Variants in ELOVL2 observed in about 807,000 individuals in gnomAD.
ELOVL2 encodes very long chain fatty acid elongase 2.
A neutral mutation model predicts 37.7 loss-of-function variants in ELOVL2; 38 were observed. That is an observed-to-expected ratio of 1.01 (90% CI 0.78 to 1.32). The LOEUF (loss-of-function observed/expected upper bound fraction) is 1.32, where lower values mean the gene tolerates loss of function less well. Among genes scored for constraint, ELOVL2 ranks in the 40% most tolerant of loss-of-function variants. The probability of loss-of-function intolerance (pLI) is 0.00; values close to 1 mark genes in which losing one functional copy is unlikely to be tolerated. For synonymous variants in ELOVL2, 115 were observed against 122.3 expected (o/e 0.94, Z 0.40); for missense variants, 352 against 363.6 (o/e 0.97, Z 0.26).
intron 1 of ELOVL2, among the ~76,000 whole-genome samples, chr6:11,040,429 G>T (rs1295148436): frequency 2.9e-5 from 4 of 140,186 alleles, no homozygotes; most frequent in Non-Finnish European, 6.3e-5. Flanking sequence ...ATACACACTA[G>T]ATTTTGAAGA....
intron 3 of ELOVL2, among the ~76,000 whole-genome samples, chr6:11,003,939 C>A (rs577199675): frequency 8.8e-4 from 134 of 151,944 alleles, no homozygotes; most frequent in African/African-American, 3.1e-3. Flanking sequence ...AAAAATTAGC[C>A]AGGATTGGTG....
intron 2 of ELOVL2, among the ~76,000 whole-genome samples, chr6:11,009,585 G>C (rs755785300): frequency 3.7e-4 from 57 of 152,156 alleles, no homozygotes; most frequent in Non-Finnish European, 6.9e-4. Flanking sequence ...TCTGGAGGGA[G>C]GGGTAGGAGA....
intron 7 of ELOVL2, 55 bp downstream of exon 7, chr6:10,989,648 A>G: frequency 1.3e-6 from 2 of 1,578,126 alleles, no homozygotes; most frequent in Non-Finnish European, 1.7e-6. Context: ...TCCAAAAAAA[A>G]AAAAATAGTG....
chr6:11,016,034 C>A (rs1782679458), intron 1 of ELOVL2: 1 of 152,162 alleles, frequency 6.6e-6, no homozygotes, highest in African/African-American at 2.4e-5. Context: ...CAGAAATGAA[C>A]CCCACCATAA....
chr6:10,988,897 G>A (rs890978975), intron 7 of ELOVL2, among the ~76,000 whole-genome samples: 3 of 152,168 alleles, frequency 2.0e-5, no homozygotes, highest in South Asian at 2.1e-4. Flanking sequence ...GGATAAAGAC[G>A]TCGGTGCGGC....
chr6:11,005,777 CTGAA>C (rs1232146001), intron 2 of ELOVL2, among the ~76,000 whole-genome samples: 1 of 152,076 alleles, frequency 6.6e-6, no homozygotes, highest in African/African-American at 2.4e-5. Context: ...AGGCTGAACA[CTGAA>C]TGAAAGGGAC....
chr6:10,985,019 G>T (rs1782021961), intron 7 of ELOVL2, among the ~76,000 whole-genome samples: 2 of 152,148 alleles, frequency 1.3e-5, no homozygotes, highest in East Asian at 1.9e-4. Context: ...ATCCTCTCCA[G>T]CACCTGTTGT....
intron 1 of ELOVL2, among the ~76,000 whole-genome samples, chr6:11,029,019 A>G (rs535311193): frequency 2.8e-5 from 4 of 143,348 alleles, no homozygotes; most frequent in African/African-American, 1.0e-4. Flanking sequence ...TAAAAGAGGT[A>G]GCATGAGCCT....
intron 5 of ELOVL2, among the ~76,000 whole-genome samples, chr6:10,994,594 T>A (rs935679420): frequency 6.6e-6 from 1 of 152,148 alleles, no homozygotes; most frequent in African/African-American, 2.4e-5. Context: ...GTAACCTTAA[T>A]TTTTCAGAAT....
chr6:11,026,549 C>T (rs531763579), intron 1 of ELOVL2, among the ~76,000 whole-genome samples: 9 of 152,276 alleles, frequency 5.9e-5, no homozygotes, highest in African/African-American at 1.7e-4. Context: ...TGTTGTACTA[C>T]GGACATCCAG....
At chr6:11,015,690 G>C in intron 1 of ELOVL2, 1 of 152,148 alleles carries the variant, frequency 6.6e-6, no homozygotes, top group Non-Finnish European at 1.5e-5. Flanking sequence ...TCCTAGTGCT[G>C]GTAGACTGGC....
At chr6:11,024,054 T>C (rs1394988265) in intron 1 of ELOVL2, among the ~76,000 whole-genome samples, 2 of 152,176 alleles carry the variant, frequency 1.3e-5, no homozygotes, top group South Asian at 2.1e-4. Context: ...TCTCCAAATA[T>C]AGAGCTGATG....
intron 1 of ELOVL2, among the ~76,000 whole-genome samples, chr6:11,041,571 TA>T (rs1241122859): frequency 6.6e-6 from 1 of 152,190 alleles, no homozygotes; most frequent in Non-Finnish European, 1.5e-5. Flanking sequence ...GTCAATAAGG[TA>T]TCTTTCATTC....
intron 1 of ELOVL2, among the ~76,000 whole-genome samples, chr6:11,026,540 G>A (rs1235631315): frequency 6.6e-6 from 1 of 152,142 alleles, no homozygotes; most frequent in Non-Finnish European, 1.5e-5. Flanking sequence ...GGAGTGAAGT[G>A]TTGTACTACG....
chr6:10,988,764 A>G (rs1324728875), intron 7 of ELOVL2, among the ~76,000 whole-genome samples: 1 of 152,226 alleles, frequency 6.6e-6, no homozygotes, highest in Non-Finnish European at 1.5e-5. Flanking sequence ...TTTAAAATCT[A>G]CATCCACCTG....
chr6:10,990,373 AAC>A lies in ELOVL2; in HGVS notation c.573_574del (p.Phe192SerfsTer129). 2 of 1,613,088 alleles carry A rather than the reference AAC, an allele frequency of 1.2e-6. No individual in the cohort carries two copies. Among genetic ancestry groups the A allele is most frequent in the Non-Finnish European group, 1.7e-6 (2 of 1,179,606 alleles). On this transcript the variant is annotated frameshift_variant, in exon 6 of 8. Coordinates refer to ENST00000354666, the MANE Select transcript of ELOVL2 (RefSeq NM_017770.4). LOFTEE classifies it high-confidence loss of function. The stretch of plus-strand genomic sequence containing the variant: ...CCAAAGATACTTGTGCATAGATGGA[AAC>A]ACAGAAAGTCCATAGTAGGAGTACA...
At chr6:11,043,332 A>T (rs1561732051) in intron 1 of ELOVL2, among the ~76,000 whole-genome samples, 2 of 152,066 alleles carry the variant, frequency 1.3e-5, no homozygotes, top group East Asian at 3.9e-4. Context: ...GGCACAACAG[A>T]TGTTCTCCCT....
In ELOVL2 at chr6:10,986,827, C is replaced by T. The variant is rs1782061569; in HGVS notation, c.765+2876G>A. Among the ~76,000 whole-genome samples the T allele has an allele frequency of 2.0e-5, 3 of 152,202 alleles. 1 individual carries two copies. In the South Asian group the frequency reaches 6.2e-4, roughly 32 times the overall value. ...AAAATTCTCTTTTTTGGTTGTGTCT[C>T]TGCCTGGCTTTGGTATCATGATGAT... On this transcript the variant is annotated intron_variant, in intron 7 of 7. Transcript: ENST00000354666.
intron 5 of ELOVL2, 64 bp from the exon 6 acceptor site, chr6:10,990,506 A>C: frequency 6.8e-7 from 1 of 1,469,372 alleles, no homozygotes; most frequent in Non-Finnish European, 9.1e-7. Flanking sequence ...TTCTTTGTCA[A>C]GTGAGATTCT....
Sources: allele counts gnomAD v4.1 joint callset (sites outside exome capture counted in the v4.1 genomes callset), GRCh38; gene constraint gnomAD v4.1.1; transcripts MANE v1.5; gene names NCBI Gene and HGNC (gene_info 2026-07-23, HGNC 2026-07-21).